KCNG2: variants seen among roughly 807,000 people sequenced by gnomAD.
The protein encoded by KCNG2 is voltage-gated potassium channel regulatory subunit KCNG2.
Under a neutral mutation model 12.3 loss-of-function variants are expected in KCNG2, and 7 were observed. The observed-to-expected ratio is 0.57, with a 90% CI of 0.32 to 1.07. KCNG2 has a LOEUF of 1.07. Ranked by LOEUF, KCNG2 falls within the 50% of genes least tolerant of loss-of-function variation. The probability of loss-of-function intolerance (pLI) is 0.04; values close to 1 mark genes in which losing one functional copy is unlikely to be tolerated. For missense variants in KCNG2, 703 were observed against 726.0 expected, an observed-to-expected ratio of 0.97 and a Z score of 0.36; for synonymous variants, 414 against 351.4, an observed-to-expected ratio of 1.18 and a Z score of -1.99.
chr18:79,839,822 G>A (rs1179378212), intron 1 of KCNG2, among the ~76,000 whole-genome samples: 1 of 152,202 alleles, frequency 6.6e-6, no homozygotes, highest in Non-Finnish European at 1.5e-5. Flanking sequence ...ATGCAAAGAT[G>A]ATTCAGTATT....
intron 1 of KCNG2, among the ~76,000 whole-genome samples, chr18:79,838,456 G>A (rs1978367935): frequency 1.3e-5 from 2 of 150,382 alleles, no homozygotes; most frequent in Non-Finnish European, 2.9e-5. Context: ...CTGTCGCCCA[G>A]GCTGACTGCA....
chr18:79,878,179 T>C (rs1413487002), intron 3 of KCNG2, among the ~76,000 whole-genome samples: 1 of 152,284 alleles, frequency 6.6e-6, no homozygotes. Flanking sequence ...TCTGGTCTTT[T>C]CCTATTGACA....
chr18:79,827,967 A>T (rs1286982668), intron 1 of KCNG2, among the ~76,000 whole-genome samples: 2 of 137,130 alleles, frequency 1.5e-5, no homozygotes, highest in Non-Finnish European at 3.0e-5. Flanking sequence ...TCTGTTGCCC[A>T]GGCTGGAGTG....
chr18:79,872,905 G>A (rs192058882), intron 3 of KCNG2, among the ~76,000 whole-genome samples: 1 of 152,306 alleles, frequency 6.6e-6, no homozygotes, highest in East Asian at 1.9e-4. Context: ...GCCTCGTGTG[G>A]CCCCCTGTGT....
At chr18:79,898,769 G>T (rs1486779152) in intron 3 of KCNG2, among the ~76,000 whole-genome samples, 1 of 151,970 alleles carries the variant, frequency 6.6e-6, no homozygotes, top group Non-Finnish European at 1.5e-5. Flanking sequence ...GGCTTTAAAA[G>T]GTCAGGGGTT....
chr18:79,868,408 T>C (rs1177169955), intron 3 of KCNG2, among the ~76,000 whole-genome samples: 1 of 150,850 alleles, frequency 6.6e-6, no homozygotes, highest in African/African-American at 2.5e-5. Flanking sequence ...AAGCGTCCGG[T>C]TAAGAAGCAG....
chr18:79,871,379 C>T (rs1213840380), intron 3 of KCNG2, among the ~76,000 whole-genome samples: 3 of 152,190 alleles, frequency 2.0e-5, no homozygotes, highest in Non-Finnish European at 4.4e-5. Flanking sequence ...TCCCTACAGC[C>T]GCAGGCAGAG....
intron 1 of KCNG2, among the ~76,000 whole-genome samples, chr18:79,799,284 C>G (rs2087389195): frequency 6.6e-6 from 1 of 152,206 alleles, no homozygotes; most frequent in African/African-American, 2.4e-5. Context: ...GGTTTTCGTT[C>G]TGCTGAGAGT....
At chr18:79,891,311 G>A (rs975028214) in intron 3 of KCNG2, among the ~76,000 whole-genome samples, 2 of 149,582 alleles carry the variant, frequency 1.3e-5, no homozygotes, top group African/African-American at 4.9e-5. Context: ...GCTTACTGAA[G>A]CCACAACCTT....
At chr18:79,820,849 A>G (rs1450602076) in intron 1 of KCNG2, among the ~76,000 whole-genome samples, 5 of 151,980 alleles carry the variant, frequency 3.3e-5, no homozygotes, top group Non-Finnish European at 7.4e-5. Flanking sequence ...GGGTCTCGCT[A>G]TGTTGCCAGG....
At chr18:79,850,618 T>C (rs1389184441) in intron 1 of KCNG2, among the ~76,000 whole-genome samples, 2 of 152,248 alleles carry the variant, frequency 1.3e-5, no homozygotes, top group Admixed American at 6.5e-5. Context: ...CTTCTCTTCT[T>C]TCCCCTCGAT....
chr18:79,839,682 A>C (rs1226951759), intron 1 of KCNG2, among the ~76,000 whole-genome samples: 2 of 152,226 alleles, frequency 1.3e-5, no homozygotes, highest in African/African-American at 4.8e-5. Flanking sequence ...ACACCAATCT[A>C]TACTGTCTTT....
intron 3 of KCNG2, among the ~76,000 whole-genome samples, chr18:79,876,607 C>T (rs1344255584): frequency 1.3e-5 from 2 of 152,242 alleles, no homozygotes; most frequent in South Asian, 2.1e-4. Context: ...GTGCCCTCTG[C>T]GAGCAGCTTG....
intron 3 of KCNG2, among the ~76,000 whole-genome samples, chr18:79,885,019 T>C (rs2014730691): frequency 6.6e-6 from 1 of 152,078 alleles, no homozygotes; most frequent in African/African-American, 2.4e-5. Flanking sequence ...GGGTGCTTGC[T>C]CACACCCCTC....
chr18:79,854,584 T>C (rs1299917233), intron 1 of KCNG2, among the ~76,000 whole-genome samples: 2 of 147,972 alleles, frequency 1.4e-5, no homozygotes, highest in African/African-American at 5.0e-5. Flanking sequence ...TGGAGTGCGG[T>C]GGCGTGATCT....
intron 1 of KCNG2, among the ~76,000 whole-genome samples, chr18:79,843,005 A>G (rs544515493): frequency 6.6e-6 from 1 of 152,268 alleles, no homozygotes; most frequent in African/African-American, 2.4e-5. Flanking sequence ...CATGAAGCCC[A>G]AAGAACCCCA....
At chr18:79,799,795 C>T (rs1806060720) in intron 1 of KCNG2, among the ~76,000 whole-genome samples, 1 of 152,180 alleles carries the variant, frequency 6.6e-6, no homozygotes, top group Non-Finnish European at 1.5e-5. Flanking sequence ...GTGCCAGGCG[C>T]ACAGGAAGTG....
chr18:79,883,002 C>G (rs1431388899), intron 3 of KCNG2, among the ~76,000 whole-genome samples: 1 of 152,236 alleles, frequency 6.6e-6, no homozygotes, highest in Non-Finnish European at 1.5e-5. Flanking sequence ...ACGTACAGAG[C>G]GAGTGTTCAG....
intron 3 of KCNG2, among the ~76,000 whole-genome samples, chr18:79,895,033 CTCTG>C (rs771381213): frequency 1.1e-4 from 17 of 152,008 alleles, no homozygotes; most frequent in African/African-American, 2.7e-4. Context: ...ATAGTTAGGT[CTCTG>C]TCTGCTTTTG....
Sources: allele counts gnomAD v4.1 joint callset (sites outside exome capture counted in the v4.1 genomes callset), GRCh38; gene constraint gnomAD v4.1.1; transcripts MANE v1.5; gene names NCBI Gene and HGNC (gene_info 2026-07-23, HGNC 2026-07-21).